Variants in MDGA2 observed in about 807,000 individuals in gnomAD.
MDGA2 encodes MAM domain-containing glycosylphosphatidylinositol anchor protein 2.
A neutral mutation model predicts 117.8 loss-of-function variants in MDGA2; 40 were observed. The ratio of observed to expected loss-of-function variants is 0.34; its 90% CI spans 0.26 to 0.44. MDGA2 has a LOEUF of 0.44. Ranked by LOEUF, MDGA2 falls within the 20% of genes least tolerant of loss-of-function variation. MDGA2 has a pLI of 1.00. For synonymous variants in MDGA2, 452 were observed against 439.0 expected, an observed-to-expected ratio of 1.03 and a Z score of -0.37; for missense variants, 1,123 against 1,250.6, an observed-to-expected ratio of 0.90 and a Z score of 1.54.
intron 8 of MDGA2, among the ~76,000 whole-genome samples, chr14:47,016,800 A>G (rs1199708462): frequency 1.3e-5 from 2 of 152,084 alleles, no homozygotes; most frequent in African/African-American, 4.8e-5. Context: ...TTAATAGTCT[A>G]AACTCTGTTT....
chr14:47,408,652 C>G (rs115134736), intron 1 of MDGA2, among the ~76,000 whole-genome samples: 2,073 of 152,254 alleles, frequency 0.014, 51 homozygotes, highest in African/African-American at 0.047. Flanking sequence ...CTATTCTTCT[C>G]CAAGCTGCCT....
At chr14:47,323,149 G>GATATATATATATATATAT (rs58765297) in intron 1 of MDGA2, among the ~76,000 whole-genome samples, 10 of 107,666 alleles carry the variant, frequency 9.3e-5, no homozygotes, top group Non-Finnish European at 1.2e-4. Context: ...AAGAGTCATG[G>GATATATATATATATATAT]ATATATATAT....
At chr14:47,237,610 G>A (rs568036744) in intron 2 of MDGA2, among the ~76,000 whole-genome samples, 2 of 152,236 alleles carry the variant, frequency 1.3e-5, no homozygotes, top group South Asian at 2.1e-4. Flanking sequence ...ATATCTGTTC[G>A]TAGTGGATGT....
intron 8 of MDGA2, chr14:46,996,477 C>A (rs1887296159): frequency 6.6e-6 from 1 of 152,200 alleles, no homozygotes; most frequent in Non-Finnish European, 1.5e-5. Flanking sequence ...GGCTTTGGAA[C>A]ACTGACGTCG....
intron 1 of MDGA2, among the ~76,000 whole-genome samples, chr14:47,369,716 T>C (rs934139661): frequency 1.3e-5 from 2 of 152,158 alleles, no homozygotes; most frequent in Non-Finnish European, 2.9e-5. Flanking sequence ...TCATCTGCTT[T>C]TCTTTTAGGA....
chr14:47,342,024 G>T (rs1890639563), intron 1 of MDGA2, among the ~76,000 whole-genome samples: 1 of 151,818 alleles, frequency 6.6e-6, no homozygotes, highest in Admixed American at 6.6e-5. Flanking sequence ...ATTTTTAGTA[G>T]AGACAGGTAG....
chr14:47,552,312 C>T (rs1741756948), intron 1 of MDGA2, among the ~76,000 whole-genome samples: 1 of 152,198 alleles, frequency 6.6e-6, no homozygotes, highest in South Asian at 2.1e-4. Flanking sequence ...GACTATCCAA[C>T]TGTCTACTCA....
At chr14:47,314,956 G>C (rs1889759625) in intron 1 of MDGA2, among the ~76,000 whole-genome samples, 1 of 152,060 alleles carries the variant, frequency 6.6e-6, no homozygotes, top group Non-Finnish European at 1.5e-5. Context: ...TGTGTACCTA[G>C]AGACTTGTCT....
chr14:47,228,366 T>C (rs1263909395), intron 2 of MDGA2, among the ~76,000 whole-genome samples: 2 of 151,980 alleles, frequency 1.3e-5, no homozygotes, highest in Non-Finnish European at 2.9e-5. Flanking sequence ...TTTGACTTAA[T>C]GATTTTTCTA....
chr14:46,991,053 A>G (rs76645062), intron 8 of MDGA2, among the ~76,000 whole-genome samples: 3,569 of 152,222 alleles, frequency 0.023, 160 homozygotes, highest in African/African-American at 0.082. Flanking sequence ...TGGTCCTTCA[A>G]TATGAAATAA....
At chr14:47,334,629 A>C (rs1476904076) in intron 1 of MDGA2, among the ~76,000 whole-genome samples, 10 of 152,000 alleles carry the variant, frequency 6.6e-5, no homozygotes, top group Non-Finnish European at 1.3e-4. Context: ...TTCAAGTTAT[A>C]CACAAATGAA....
intron 1 of MDGA2, among the ~76,000 whole-genome samples, chr14:47,504,310 T>C (rs1894465305): frequency 6.6e-6 from 1 of 152,190 alleles, no homozygotes; most frequent in African/African-American, 2.4e-5. Context: ...GATGTTAATT[T>C]TGAATACTGA....
intron 1 of MDGA2, among the ~76,000 whole-genome samples, chr14:47,479,227 G>T (rs544453623): frequency 1.3e-5 from 2 of 151,344 alleles, no homozygotes; most frequent in South Asian, 2.1e-4. Context: ...CTTAATTTTT[G>T]AATAAGGCCT....
At chr14:47,551,031 C>T (rs565713747) in intron 1 of MDGA2, among the ~76,000 whole-genome samples, 1 of 152,188 alleles carries the variant, frequency 6.6e-6, no homozygotes, top group African/African-American at 2.4e-5. Flanking sequence ...TATTAATTTA[C>T]ACTTTTGAAG....
At chr14:46,978,124 A>G (rs899884171) in intron 8 of MDGA2, among the ~76,000 whole-genome samples, 26 of 151,944 alleles carry the variant, frequency 1.7e-4, no homozygotes, top group Admixed American at 1.1e-3. Context: ...AACAAACAAA[A>G]CAAAACAAAG....
intron 8 of MDGA2, among the ~76,000 whole-genome samples, chr14:46,980,294 A>G (rs1886621634): frequency 6.6e-6 from 1 of 152,196 alleles, no homozygotes; most frequent in Admixed American, 6.5e-5. Context: ...AAATAGCAAG[A>G]TAACTAAAAT....
At chr14:47,623,300 C>A (rs1329632354) in intron 1 of MDGA2, among the ~76,000 whole-genome samples, 3 of 152,140 alleles carry the variant, frequency 2.0e-5, no homozygotes, top group Non-Finnish European at 2.9e-5. Flanking sequence ...ACATAAATTT[C>A]TTTTCTACAT....
At chr14:47,101,897 C>T (rs1241592747) in intron 5 of MDGA2, among the ~76,000 whole-genome samples, 2 of 151,862 alleles carry the variant, frequency 1.3e-5, no homozygotes, top group Non-Finnish European at 2.9e-5. Context: ...GGGTTCATGC[C>T]CACTAAAAAT....
At chr14:47,540,563 T>TATACACACACAC (rs370481455) in intron 1 of MDGA2, among the ~76,000 whole-genome samples, 8 of 112,518 alleles carry the variant, frequency 7.1e-5, no homozygotes, top group African/African-American at 2.3e-4. Context: ...TGTATATATA[T>TATACACACACAC]ACACACACAC....
Sources: gnomAD v4.1 joint callset for allele counts (sites outside exome capture counted in the v4.1 genomes callset) on GRCh38, gnomAD v4.1.1 for gene constraint, MANE v1.5 for transcripts, NCBI Gene and HGNC (gene_info 2026-07-23, HGNC 2026-07-21) for gene names.